The following DAB1 variants were observed in gnomAD, a reference collection of about 807,000 sequenced individuals.
DAB1 encodes disabled homolog 1.
In DAB1, 15 loss-of-function variants were observed where a neutral mutation model predicts 64.6. That is an observed-to-expected ratio of 0.23 (90% confidence interval 0.16 to 0.36). The LOEUF (loss-of-function observed/expected upper bound fraction) is 0.36. Among genes scored for constraint, DAB1 ranks in the 10% least tolerant of loss-of-function variants. The pLI, the probability that DAB1 is intolerant of heterozygous loss-of-function variation, is 1.00. For synonymous variants in DAB1, 235 were observed against 251.9 expected (o/e 0.93, Z 0.64); for missense variants, 596 against 706.7 (o/e 0.84, Z 1.78).
intron 1 of DAB1, among the ~76,000 whole-genome samples, chr1:57,345,645 A>C (rs1170828596): frequency 6.6e-6 from 1 of 152,242 alleles, no homozygotes; most frequent in East Asian, 1.9e-4. Flanking sequence ...AAAAGATTTA[A>C]TAAAAGCATT....
intron 7 of DAB1, among the ~76,000 whole-genome samples, chr1:57,531,009 G>A (rs2101415447): frequency 6.6e-6 from 1 of 152,286 alleles, no homozygotes; most frequent in South Asian, 2.1e-4. Flanking sequence ...GAGGTGATGA[G>A]AGACTTACTT....
intron 5 of DAB1, among the ~76,000 whole-genome samples, chr1:58,090,926 T>C (rs873989): frequency 0.26 from 39,451 of 152,098 alleles, 6,210 homozygotes; most frequent in African/African-American, 0.43. Context: ...AAGAGACTTA[T>C]ATAGTTTAGC....
chr1:57,884,623 G>A (rs1644195684), upstream of DAB1, among the ~76,000 whole-genome samples: 3 of 152,184 alleles, frequency 2.0e-5, no homozygotes, highest in South Asian at 6.2e-4. Context: ...CACAAAGTTT[G>A]TACAATTTTA....
intron 5 of DAB1, among the ~76,000 whole-genome samples, chr1:57,963,315 C>T (rs553322613): frequency 1.3e-5 from 2 of 152,078 alleles, no homozygotes; most frequent in Non-Finnish European, 2.9e-5. Context: ...TACAGAGTGA[C>T]CTGGTCACAT....
intron 7 of DAB1, among the ~76,000 whole-genome samples, chr1:57,443,029 G>A (rs968243767): frequency 3.3e-5 from 5 of 152,198 alleles, no homozygotes; most frequent in East Asian, 1.9e-4. Context: ...CCTGAACAAA[G>A]AGCCTGAAAT....
At chr1:57,777,655 C>T (rs961788703) in intron 6 of DAB1, among the ~76,000 whole-genome samples, 3 of 151,724 alleles carry the variant, frequency 2.0e-5, no homozygotes, top group African/African-American at 7.3e-5. Context: ...CATTTGTATC[C>T]TCTTAATGTT....
intron 2 of DAB1, among the ~76,000 whole-genome samples, chr1:57,256,184 C>A (rs894148259): frequency 6.6e-6 from 1 of 152,202 alleles, no homozygotes. Flanking sequence ...TGTTTAATTA[C>A]TTTTTGTTCC....
At chr1:57,767,168 G>C (rs1569619178) in intron 6 of DAB1, among the ~76,000 whole-genome samples, 4 of 152,182 alleles carry the variant, frequency 2.6e-5, no homozygotes, top group Admixed American at 2.6e-4. Flanking sequence ...AGGTGGGAGG[G>C]TGTGCTGAAA....
chr1:57,568,226 C>G (rs375658801), intron 7 of DAB1, among the ~76,000 whole-genome samples: 4 of 152,198 alleles, frequency 2.6e-5, no homozygotes, highest in Non-Finnish European at 4.4e-5. Context: ...TAGCCATATG[C>G]AGAAAGCTGA....
chr1:57,006,292 T>C (rs1187592026), intron 14 of DAB1, among the ~76,000 whole-genome samples: 1 of 152,228 alleles, frequency 6.6e-6, no homozygotes, highest in Non-Finnish European at 1.5e-5. Flanking sequence ...CATCTCTACT[T>C]GGAAGTCTCA....
chr1:57,885,441 G>T (rs533227028), upstream of DAB1, among the ~76,000 whole-genome samples: 1 of 152,078 alleles, frequency 6.6e-6, no homozygotes, highest in Non-Finnish European at 1.5e-5. Context: ...ATTATTGATG[G>T]TATATGTTAT....
At chr1:58,537,659 T>C (rs1646538598) in intron 1 of DAB1, among the ~76,000 whole-genome samples, 1 of 152,224 alleles carries the variant, frequency 6.6e-6, no homozygotes. Context: ...TTACCATATA[T>C]ACATCATTCT....
At chr1:58,094,527 G>A (rs918901724) in intron 5 of DAB1, among the ~76,000 whole-genome samples, 2 of 152,194 alleles carry the variant, frequency 1.3e-5, no homozygotes, top group African/African-American at 4.8e-5. Context: ...TTTACTGACA[G>A]CCTTGGTCAA....
chr1:57,630,336 T>C (rs1305230594), intron 7 of DAB1, among the ~76,000 whole-genome samples: 1 of 152,124 alleles, frequency 6.6e-6, no homozygotes, highest in Non-Finnish European at 1.5e-5. Context: ...TTTTTAAGAA[T>C]GATGAAAAAA....
At chr1:57,653,564 A>G (rs1646281065) in intron 6 of DAB1, among the ~76,000 whole-genome samples, 1 of 152,152 alleles carries the variant, frequency 6.6e-6, no homozygotes, top group South Asian at 2.1e-4. Flanking sequence ...TGTGAGATTT[A>G]TCAGTGGACT....
intron 2 of DAB1, among the ~76,000 whole-genome samples, chr1:57,284,415 G>T (rs1167809003): frequency 1.3e-5 from 2 of 152,150 alleles, no homozygotes; most frequent in Non-Finnish European, 2.9e-5. Context: ...GTGGACAAAA[G>T]AACTAATTAA....
In DAB1 at chr1:57,032,836, A is replaced by G. The variant is rs1647007270; in HGVS notation, c.724-6793T>C. The stretch of plus-strand genomic sequence containing the variant: ...TATCAATCAATTTGAACAGATGTTG[A>G]CTGCAACCAATATATTTATACCAGG... On this transcript the variant is annotated intron_variant, in intron 9 of 14. Coordinates refer to ENST00000371236, the MANE Select transcript of DAB1 (RefSeq NM_001365792.1). Among the ~76,000 whole-genome samples the G allele has an allele frequency of 2.0e-5, 3 of 152,206 alleles. No homozygotes were observed. In the South Asian group the frequency reaches 6.2e-4, roughly 32 times the overall value.
intron 1 of DAB1, among the ~76,000 whole-genome samples, chr1:57,851,919 G>A (rs757421522): frequency 6.6e-5 from 10 of 152,120 alleles, no homozygotes; most frequent in Non-Finnish European, 1.2e-4. Context: ...ACTCTGAGGA[G>A]TCTTTCCTAA....
chr1:57,124,617 G>A (rs1367457307), intron 4 of DAB1, among the ~76,000 whole-genome samples: 2 of 152,072 alleles, frequency 1.3e-5, no homozygotes, highest in African/African-American at 4.8e-5. Context: ...TTTAAATATT[G>A]AGGCCACACT....
Sources: gnomAD v4.1 joint callset for allele counts (sites outside exome capture counted in the v4.1 genomes callset) on GRCh38, gnomAD v4.1.1 for gene constraint, MANE v1.5 for transcripts, NCBI Gene and HGNC (gene_info 2026-07-23, HGNC 2026-07-21) for gene names.